DNAAF11: variants seen among roughly 807,000 people sequenced by gnomAD.
The protein encoded by DNAAF11 is leucine rich repeat containing 6.
Under a neutral mutation model 60.8 loss-of-function variants are expected in DNAAF11, and 45 were observed. The observed-to-expected ratio is 0.74, with a 90% CI of 0.58 to 0.95. The LOEUF (loss-of-function observed/expected upper bound fraction) is 0.95. DNAAF11 is among the 40% of genes least tolerant of loss of function. DNAAF11 has a pLI of 0.00. For synonymous variants in DNAAF11, 191 were observed against 183.5 expected (o/e 1.04, Z -0.33); for missense variants, 546 against 546.2 (o/e 1.00, Z 0.00).
At chr8:132,687,474 A>C in the DNAAF11 span, 1 of 375,546 alleles carries the variant, frequency 2.7e-6, no homozygotes, top group South Asian at 2.0e-5. Context: ...TGATGATGCC[A>C]GGTGACTCTG....
intron 7 of DNAAF11, among the ~76,000 whole-genome samples, chr8:132,617,479 T>C (rs1301734556): frequency 6.6e-6 from 1 of 152,176 alleles, no homozygotes; most frequent in East Asian, 1.9e-4. Context: ...CTTGTGATTT[T>C]TGTACATTGA....
chr8:132,685,616 C>T, the DNAAF11 span, among the ~76,000 whole-genome samples: 1 of 152,164 alleles, frequency 6.6e-6, no homozygotes, highest in African/African-American at 2.4e-5. Context: ...CTCTGTTAGG[C>T]ACCATTTGTC....
chr8:132,602,309 C>G (rs965050570), intron 10 of DNAAF11, among the ~76,000 whole-genome samples: 1 of 152,090 alleles, frequency 6.6e-6, no homozygotes, highest in Non-Finnish European at 1.5e-5. Context: ...CAACAGGGAG[C>G]AGCCATCAAC....
intron 10 of DNAAF11, among the ~76,000 whole-genome samples, chr8:132,588,831 C>T (rs1222290284): frequency 6.6e-6 from 1 of 152,028 alleles, no homozygotes; most frequent in Non-Finnish European, 1.5e-5. Flanking sequence ...ACAATCATGG[C>T]AGAAGGTGAA....
intron 11 of DNAAF11, among the ~76,000 whole-genome samples, chr8:132,578,737 A>G (rs1172443977): frequency 6.6e-6 from 1 of 152,234 alleles, no homozygotes; most frequent in African/African-American, 2.4e-5. Flanking sequence ...AAGACTTGAT[A>G]AAATCACAAG....
chr8:132,690,409 C>CGAAG, the DNAAF11 span, among the ~76,000 whole-genome samples: 1 of 152,180 alleles, frequency 6.6e-6, no homozygotes, highest in Non-Finnish European at 1.5e-5. Flanking sequence ...GCTTCCCCTT[C>CGAAG]CACCACGATT....
chr8:132,623,103 T>G (rs1315294088), intron 6 of DNAAF11, among the ~76,000 whole-genome samples: 1 of 152,170 alleles, frequency 6.6e-6, no homozygotes, highest in Non-Finnish European at 1.5e-5. Context: ...CCAAGTAGAA[T>G]CTATTCAATA....
chr8:132,614,127 C>G (rs1818922298), intron 8 of DNAAF11, among the ~76,000 whole-genome samples: 1 of 152,188 alleles, frequency 6.6e-6, no homozygotes, highest in African/African-American at 2.4e-5. Context: ...ACTTTGTCAG[C>G]AGGAAGTCAA....
intron 1 of DNAAF11, among the ~76,000 whole-genome samples, chr8:132,674,001 A>G (rs922398428): frequency 2.0e-5 from 3 of 151,166 alleles, no homozygotes; most frequent in Admixed American, 6.6e-5. Context: ...AGCGAAGAAG[A>G]AGGAGAAGGA....
chr8:132,672,836 T>G (rs1299582277), intron 1 of DNAAF11, among the ~76,000 whole-genome samples: 3 of 152,132 alleles, frequency 2.0e-5, no homozygotes, highest in Non-Finnish European at 4.4e-5. Context: ...AGGTTCGACG[T>G]CTCTCCTGAC....
At chr8:132,632,611 A>G (rs1820903605) in intron 5 of DNAAF11, 129 bp downstream of exon 5, 11 of 687,322 alleles carry the variant, frequency 1.6e-5, no homozygotes, top group South Asian at 3.7e-5. Context: ...CTTCCATCCA[A>G]AATTCACATC....
chr8:132,664,312 T>C (rs1255955258), intron 1 of DNAAF11, among the ~76,000 whole-genome samples: 1 of 152,228 alleles, frequency 6.6e-6, no homozygotes, highest in Admixed American at 6.5e-5. Flanking sequence ...TGGGACTTTC[T>C]GACTCTCAGG....
At chr8:132,649,354 AC>A (rs1446974460) in intron 3 of DNAAF11, among the ~76,000 whole-genome samples, 1 of 150,924 alleles carries the variant, frequency 6.6e-6, no homozygotes, top group African/African-American at 2.5e-5. Context: ...TTACACCTTA[AC>A]AAAAATTAAT....
the DNAAF11 span, among the ~76,000 whole-genome samples, chr8:132,692,224 C>G: frequency 4.6e-5 from 7 of 152,182 alleles, no homozygotes; most frequent in South Asian, 6.2e-4. Context: ...GCCAACAGGG[C>G]TTCCTGATTA....
At chr8:132,660,416 T>G (rs1008244947) in intron 2 of DNAAF11, among the ~76,000 whole-genome samples, 4 of 152,222 alleles carry the variant, frequency 2.6e-5, no homozygotes. Flanking sequence ...GACTAAGACT[T>G]GGGCAAGTAA....
the DNAAF11 span, among the ~76,000 whole-genome samples, chr8:132,686,375 G>A: frequency 6.6e-6 from 1 of 152,310 alleles, no homozygotes; most frequent in South Asian, 2.1e-4. Flanking sequence ...AATCATGTTT[G>A]TAAGGAGACA....
At chr8:132,653,286 T>G (rs1823211793) in intron 3 of DNAAF11, among the ~76,000 whole-genome samples, 1 of 152,140 alleles carries the variant, frequency 6.6e-6, no homozygotes, top group African/African-American at 2.4e-5. Context: ...TAATTCTCTA[T>G]CTGGGAAAAC....
intron 9 of DNAAF11, among the ~76,000 whole-genome samples, chr8:132,610,488 C>T (rs930585466): frequency 8.5e-5 from 13 of 152,074 alleles, no homozygotes; most frequent in African/African-American, 3.1e-4. Flanking sequence ...GTGACATGCT[C>T]GTGGGTTCAT....
chr8:132,601,487 A>C (rs1351337196), intron 10 of DNAAF11, among the ~76,000 whole-genome samples: 1 of 152,186 alleles, frequency 6.6e-6, no homozygotes, highest in African/African-American at 2.4e-5. Context: ...TGTTTATTGC[A>C]GCACTATTCA....
Sources: gnomAD v4.1 joint callset for allele counts (sites outside exome capture counted in the v4.1 genomes callset) on GRCh38, gnomAD v4.1.1 for gene constraint, MANE v1.5 for transcripts, NCBI Gene and HGNC (gene_info 2026-07-23, HGNC 2026-07-21) for gene names.